ANK3: variants seen among roughly 807,000 people sequenced by gnomAD.
ANK3 encodes ankyrin-3.
In ANK3, 57 loss-of-function variants were observed where a neutral mutation model predicts 370.9. The ratio of observed to expected loss-of-function variants is 0.15; its 90% CI spans 0.12 to 0.19. The LOEUF is 0.19. Among genes scored for constraint, ANK3 ranks in the 10% least tolerant of loss-of-function variants. ANK3 has a pLI of 1.00. For missense variants in ANK3, 4,439 were observed against 5,302.1 expected (o/e 0.84, Z 5.06); for synonymous variants, 1,929 against 1,946.3 (o/e 0.99, Z 0.23).
chr10:60,346,355 C>T (rs1011678783), intron 1 of ANK3, among the ~76,000 whole-genome samples: 4 of 151,988 alleles, frequency 2.6e-5, no homozygotes, highest in Non-Finnish European at 4.4e-5. Flanking sequence ...ACAAAGGCTG[C>T]TATCCATACA....
intron 26 of ANK3, among the ~76,000 whole-genome samples, chr10:60,109,673 C>G (rs567075384): frequency 6.6e-6 from 1 of 152,176 alleles, no homozygotes; most frequent in African/African-American, 2.4e-5. Context: ...CTGAAATAAC[C>G]TACATTTGAA....
At position 60,136,533 on chromosome 10, in the gene ANK3, C is replaced by G. The variant is rs150961049; in HGVS notation, c.2739-2160G>C. ...AAACAGTTTTCTATGTAGACAAACA[C>G]TTAAAAGTTTTAAAAAATAATTACC... On this transcript the variant is annotated intron_variant, in intron 24 of 43. Transcript: ENST00000280772. 7.8e-3 allele frequency among the ~76,000 whole-genome samples: 1,193 copies of G among 152,156 alleles called. 8 individuals are homozygous for G. Among genetic ancestry groups the G allele is most frequent in the Non-Finnish European group, 0.013 (886 of 67,990 alleles).
In ANK3 at chr10:60,334,403, C is replaced by T. The variant is rs565966589; in HGVS notation, c.115-54764G>A. Among the ~76,000 whole-genome samples the T allele has an allele frequency of 3.4e-4, 52 of 152,214 alleles. 1 individual carries two copies. The South Asian group carries it at 9.1e-3, about 27-fold the overall frequency. ...CCGCACCTCATAAAATATTTACTAC[C>T]GTGGTTAAAATTTGCACTCTTAGCA... On this transcript the variant is annotated intron_variant, in intron 1 of 43. Coordinates refer to ENST00000280772, the MANE Select transcript of ANK3 (RefSeq NM_020987.5).
chr10:60,225,473 T>A (rs2132500233), intron 8 of ANK3, among the ~76,000 whole-genome samples: 1 of 152,252 alleles, frequency 6.6e-6, no homozygotes, highest in East Asian at 1.9e-4. Context: ...GGCAAGTACA[T>A]AGAGTAAATA....
chr10:60,088,469 A>G (rs2087275482), intron 28 of ANK3, 111 bp from the exon 29 acceptor site: 21 of 954,410 alleles, frequency 2.2e-5, no homozygotes, highest in Non-Finnish European at 3.1e-5. Context: ...CTTGTTACCC[A>G]GGCTGAAGTG....
At chr10:60,057,306 T>C (rs983998228) in intron 41 of ANK3, among the ~76,000 whole-genome samples, 1 of 152,216 alleles carries the variant, frequency 6.6e-6, no homozygotes. Flanking sequence ...TTTACAAGTT[T>C]CAGTATAGAC....
intron 4 of ANK3, among the ~76,000 whole-genome samples, chr10:60,278,243 A>T (rs1345894511): frequency 1.3e-5 from 2 of 152,126 alleles, no homozygotes; most frequent in Non-Finnish European, 2.9e-5. Flanking sequence ...ATAGTGTAAG[A>T]CCCTGCATTA....
rs554521532 is a variant in ANK3 at position 60,599,645 on chromosome 10, A to G, written c.96+15541T>C. On this transcript the variant is annotated intron_variant, in intron 2 of 43. Transcript: ENST00000373827. ...GTACAACCCATCATCTATCTCTCAC[A>G]AGGACTCTCACAATGATATCCTAAC... 2.6e-5 allele frequency among the ~76,000 whole-genome samples: 4 copies of G among 152,210 alleles called. No individual in the cohort carries two copies. In the South Asian group the frequency reaches 6.2e-4, roughly 24 times the overall value.
intron 2 of ANK3, among the ~76,000 whole-genome samples, chr10:60,408,682 G>A (rs2063500881): frequency 6.6e-6 from 1 of 152,118 alleles, no homozygotes; most frequent in East Asian, 1.9e-4. Context: ...ATAAAAGAAA[G>A]TATCAATCTC....
intron 1 of ANK3, among the ~76,000 whole-genome samples, chr10:60,631,749 A>G (rs1362310829): frequency 6.6e-6 from 1 of 152,170 alleles, no homozygotes; most frequent in African/African-American, 2.4e-5. Context: ...ACAGATCTAG[A>G]GCAATACATT....
At position 60,240,306 on chromosome 10, in the gene ANK3, A is replaced by ATATATTTTTT. The variant is rs11282162; in HGVS notation, c.799-5521_799-5520insAAAAAATATA. On this transcript the variant is annotated intron_variant, in intron 7 of 43. Transcript: ENST00000280772. ...CATATATATATATATATATATATATATTTTTTTTTCTTTTTGAGATAGAGT... is the reference window on the plus strand; with the variant it reads ...CATATATATATATATATATATATATATATATTTTTTTTTTTTTTTCTTTTTGAGATAGAGT... 1.1e-3 allele frequency among the ~76,000 whole-genome samples: 137 copies of ATATATTTTTT among 119,746 alleles called. 4 individuals carry two copies. The highest frequency in any genetic ancestry group is 1.0e-2 in the South Asian group (39 of 3,902). The allele number at this position is 119,746 out of a possible 152,430, so 78.6% of individuals were successfully genotyped here.
intron 28 of ANK3, among the ~76,000 whole-genome samples, chr10:60,096,655 T>C (rs1015347507): frequency 1.3e-5 from 2 of 152,196 alleles, no homozygotes; most frequent in Non-Finnish European, 2.9e-5. Flanking sequence ...CTTGGTAGAC[T>C]CTCATCCTGT....
At chr10:60,599,153 G>T (rs1293055352) in intron 2 of ANK3, among the ~76,000 whole-genome samples, 2 of 151,968 alleles carry the variant, frequency 1.3e-5, no homozygotes, top group Non-Finnish European at 2.9e-5. Flanking sequence ...CAGGTCTCAA[G>T]CTCCTGAGCT....
At chr10:60,607,505 T>C (rs922497388) in intron 2 of ANK3, among the ~76,000 whole-genome samples, 6 of 152,170 alleles carry the variant, frequency 3.9e-5, no homozygotes, top group African/African-American at 1.4e-4. Flanking sequence ...AAACTTTCCA[T>C]TAAAGAGCAA....
At chr10:60,606,091 G>C (rs936948496) in intron 2 of ANK3, among the ~76,000 whole-genome samples, 18 of 152,116 alleles carry the variant, frequency 1.2e-4, no homozygotes, top group African/African-American at 4.3e-4. Flanking sequence ...AGAAAATTTA[G>C]TGTTAGCAGT....
intron 2 of ANK3, among the ~76,000 whole-genome samples, chr10:60,405,430 A>G (rs1567013569): frequency 6.6e-6 from 1 of 152,206 alleles, no homozygotes; most frequent in Non-Finnish European, 1.5e-5. Flanking sequence ...ATGAAGATCT[A>G]AAACAGGCAA....
chr10:60,038,618 A>G (rs2075548734), intron 43 of ANK3, among the ~76,000 whole-genome samples: 1 of 152,200 alleles, frequency 6.6e-6, no homozygotes, highest in Non-Finnish European at 1.5e-5. Context: ...TCGAGCATCT[A>G]TAAGGAATTT....
chr10:60,351,202 A>G (rs1237590184), intron 1 of ANK3, among the ~76,000 whole-genome samples: 1 of 152,204 alleles, frequency 6.6e-6, no homozygotes, highest in Non-Finnish European at 1.5e-5. Context: ...TTTGCTCCCA[A>G]TAGTTAATAG....
At chr10:60,086,584 ATAT>A in intron 30 of ANK3, 90 bp downstream of exon 30, 1 of 1,076,386 alleles carries the variant, frequency 9.3e-7, no homozygotes, top group Non-Finnish European at 1.3e-6. Flanking sequence ...GTTGGCATGG[ATAT>A]TTCAAAGGTT....
Sources: allele counts gnomAD v4.1 joint callset (sites outside exome capture counted in the v4.1 genomes callset), GRCh38; gene constraint gnomAD v4.1.1; transcripts MANE v1.5; gene names NCBI Gene and HGNC (gene_info 2026-07-23, HGNC 2026-07-21).